Variants in TBL1XR1 observed in about 807,000 individuals in gnomAD.
TBL1XR1 encodes the protein TBL1X/Y related 1, also known as F-box-like/WD repeat-containing protein TBL1XR1.
Under a neutral mutation model 66.9 loss-of-function variants are expected in TBL1XR1, and 5 were observed. The observed-to-expected ratio is 0.07, with a 90% CI of 0.04 to 0.16. The LOEUF (loss-of-function observed/expected upper bound fraction) is 0.16. Ranked by LOEUF, TBL1XR1 falls within the 10% of genes least tolerant of loss-of-function variation. The probability of loss-of-function intolerance (pLI) is 1.00; values close to 1 mark genes in which losing one functional copy is unlikely to be tolerated. For synonymous variants in TBL1XR1, 210 were observed against 206.0 expected (o/e 1.02, Z -0.17); for missense variants, 238 against 623.2 (o/e 0.38, Z 6.58).
chr3:177,131,248 A>G (rs1728257981), intron 1 of TBL1XR1: 1 of 650,504 alleles, frequency 1.5e-6, no homozygotes, highest in South Asian at 6.8e-5. Context: ...ATTCAAAGAC[A>G]CATAGCAACA....
chr3:177,106,111 A>G (rs567417887), intron 1 of TBL1XR1, among the ~76,000 whole-genome samples: 2 of 152,286 alleles, frequency 1.3e-5, no homozygotes, highest in East Asian at 3.9e-4. Flanking sequence ...AAGACACCAT[A>G]AACAGAAAGG....
chr3:177,200,445 A>C (rs1403912470), upstream of TBL1XR1, among the ~76,000 whole-genome samples: 1 of 152,232 alleles, frequency 6.6e-6, no homozygotes, highest in East Asian at 1.9e-4. Flanking sequence ...TACTCAGAGA[A>C]ATAAACCATC....
intron 15 of TBL1XR1, 45 bp downstream of exon 15, chr3:177,026,328 G>C (rs753299748): frequency 6.9e-7 from 1 of 1,454,252 alleles, no homozygotes; most frequent in African/African-American, 1.4e-5. Flanking sequence ...ATTCTGATGT[G>C]AATACCCACC....
intron 1 of TBL1XR1, among the ~76,000 whole-genome samples, chr3:177,123,540 T>C (rs1727241754): frequency 6.6e-6 from 1 of 151,854 alleles, no homozygotes; most frequent in South Asian, 2.1e-4. Flanking sequence ...ATTCCAAAAA[T>C]CTCACTTCAA....
chr3:177,124,766 C>G (rs910268012), intron 1 of TBL1XR1, among the ~76,000 whole-genome samples: 1 of 152,158 alleles, frequency 6.6e-6, no homozygotes, highest in Non-Finnish European at 1.5e-5. Context: ...AATAGTAAAA[C>G]TCAAAATCTC....
At chr3:177,063,871 T>C (rs1560132359) in intron 3 of TBL1XR1, among the ~76,000 whole-genome samples, 1 of 152,132 alleles carries the variant, frequency 6.6e-6, no homozygotes, top group Admixed American at 6.6e-5. Flanking sequence ...TGCTTGGGAA[T>C]AGAAAACCCC....
At chr3:177,112,108 T>TATATATATACATATATATATATA (rs1553846589) in intron 1 of TBL1XR1, among the ~76,000 whole-genome samples, 1 of 35,724 alleles carries the variant, frequency 2.8e-5, no homozygotes, top group African/African-American at 1.5e-4. Context: ...TATATATATA[T>TATATATATACATATATATATATA]TTTTTTTTTT....
At position 177,022,574 on chromosome 3, in the gene TBL1XR1, T is replaced by A. The variant is rs1712525089; in HGVS notation, c.*2924A>T. 6.6e-6 allele frequency: 1 copy of A among 152,582 alleles called. No homozygotes were observed. Among genetic ancestry groups the A allele is most frequent in the East Asian group, 1.9e-4 (1 of 5,194 alleles). The allele number at this position is 152,582 out of a possible 1,614,324, so 9.5% of individuals were successfully genotyped here. A position where few individuals can be genotyped will look rare whatever the true frequency, so the allele number is the denominator to read the frequency against. On this transcript the variant is annotated 3_prime_UTR_variant, in exon 16 of 16. Transcript: ENST00000457928. ...AATCAATGAGTATTGATTCAAGTTT[T>A]CCTTTCTATTTTTCCTTATGATAAG...
intron 14 of TBL1XR1, 123 bp downstream of exon 14, chr3:177,032,848 T>G (rs1714199969): frequency 1.2e-6 from 1 of 802,082 alleles, no homozygotes; most frequent in African/African-American, 1.8e-5. Flanking sequence ...TATCTTATTT[T>G]AAAACCAATA....
intron 7 of TBL1XR1, among the ~76,000 whole-genome samples, chr3:177,048,710 T>C (rs529707380): frequency 6.6e-6 from 1 of 152,346 alleles, no homozygotes; most frequent in Non-Finnish European, 1.5e-5. Flanking sequence ...CAGGCTCTCT[T>C]GCTTTAGCCA....
At chr3:177,073,189 T>C (rs1379933322) in intron 2 of TBL1XR1, among the ~76,000 whole-genome samples, 1 of 152,206 alleles carries the variant, frequency 6.6e-6, no homozygotes, top group Non-Finnish European at 1.5e-5. Flanking sequence ...TAAATTAAGA[T>C]TGTAACAAGA....
chr3:177,114,986 A>G (rs1011920248), intron 1 of TBL1XR1, among the ~76,000 whole-genome samples: 26 of 150,250 alleles, frequency 1.7e-4, no homozygotes, highest in African/African-American at 6.1e-4. Context: ...CACTTTGGGG[A>G]AAAAAATAAT....
chr3:177,187,891 T>TA (rs1735624903), intron 1 of TBL1XR1, among the ~76,000 whole-genome samples: 2 of 145,830 alleles, frequency 1.4e-5, no homozygotes, highest in Admixed American at 1.4e-4. Context: ...TTAAAATTTT[T>TA]AAACATTTAA....
chr3:177,147,505 TATTAA>T (rs1342672838), intron 1 of TBL1XR1, among the ~76,000 whole-genome samples: 3 of 152,220 alleles, frequency 2.0e-5, no homozygotes, highest in African/African-American at 4.8e-5. Flanking sequence ...TACTTATGAT[TATTAA>T]ATTAGTTTTA....
chr3:177,036,900 TA>T (rs1307665032), intron 12 of TBL1XR1, among the ~76,000 whole-genome samples: 1 of 152,220 alleles, frequency 6.6e-6, no homozygotes, highest in African/African-American at 2.4e-5. Flanking sequence ...AGTAGAGGGT[TA>T]GCTGTTGCAG....
intron 1 of TBL1XR1, among the ~76,000 whole-genome samples, chr3:177,121,444 C>T (rs1454110649): frequency 6.6e-6 from 1 of 152,160 alleles, no homozygotes; most frequent in Non-Finnish European, 1.5e-5. Context: ...CATAGCCTAT[C>T]CATAGCCTAT....
chr3:177,197,507 C>A (rs1737022863), upstream of TBL1XR1: 1 of 149,174 alleles, frequency 6.7e-6, no homozygotes, highest in South Asian at 1.8e-4. Flanking sequence ...CTCAGACACT[C>A]AACACTGGGG....
chr3:177,054,876 T>C (rs1717602633), intron 3 of TBL1XR1, among the ~76,000 whole-genome samples: 2 of 152,166 alleles, frequency 1.3e-5, no homozygotes, highest in Non-Finnish European at 2.9e-5. Context: ...AATAAAAATC[T>C]CTTTATGTTG....
At chr3:177,148,741 G>A (rs1268940145) in intron 1 of TBL1XR1, among the ~76,000 whole-genome samples, 1 of 151,822 alleles carries the variant, frequency 6.6e-6, no homozygotes, top group African/African-American at 2.4e-5. Flanking sequence ...TGGGTGCGAT[G>A]GCTCACGCCT....
Sources: allele counts gnomAD v4.1 joint callset (sites outside exome capture counted in the v4.1 genomes callset), GRCh38; gene constraint gnomAD v4.1.1; transcripts MANE v1.5; gene names NCBI Gene and HGNC (gene_info 2026-07-23, HGNC 2026-07-21).